Variants in VPS13A observed in about 807,000 individuals in gnomAD.
VPS13A encodes vacuolar protein sorting 13 homolog A, also known as intermembrane lipid transfer protein VPS13A.
VPS13A carries 264 observed loss-of-function variants against 390.9 expected under a neutral mutation model. The ratio of observed to expected loss-of-function variants is 0.68; its 90% CI spans 0.61 to 0.75. VPS13A has a LOEUF of 0.75. Ranked by LOEUF, VPS13A falls within the 30% of genes least tolerant of loss-of-function variation. The probability of loss-of-function intolerance (pLI) is 0.00; values close to 1 mark genes in which losing one functional copy is unlikely to be tolerated. For synonymous variants in VPS13A, 1,231 were observed against 1,227.1 expected, an observed-to-expected ratio of 1.00 and a Z score of -0.07; for missense variants, 3,409 against 3,733.9, an observed-to-expected ratio of 0.91 and a Z score of 2.27.
intron 55 of VPS13A, 35 bp from the exon 56 acceptor site, chr9:77,357,657 A>G (rs778521415): frequency 1.9e-6 from 3 of 1,604,346 alleles, no homozygotes; most frequent in South Asian, 2.2e-5. Flanking sequence ...TTATAGATAA[A>G]TTAATTTTTT....
At chr9:77,400,827 G>GGA (rs555558656) in intron 68 of VPS13A, among the ~76,000 whole-genome samples, 3 of 133,474 alleles carry the variant, frequency 2.2e-5, no homozygotes, top group Non-Finnish European at 3.1e-5. Context: ...GACTCTGTCT[G>GGA]AAAAAAAAAA....
chr9:77,401,106 C>T (rs1373729100), intron 68 of VPS13A, among the ~76,000 whole-genome samples: 1 of 152,058 alleles, frequency 6.6e-6, no homozygotes, highest in Non-Finnish European at 1.5e-5. Flanking sequence ...GTATTCTTTC[C>T]TTTGATATGT....
chr9:77,219,077 G>A (rs1823030774), intron 10 of VPS13A, among the ~76,000 whole-genome samples: 1 of 152,122 alleles, frequency 6.6e-6, no homozygotes, highest in Admixed American at 6.6e-5. Context: ...AAGCAGAGGT[G>A]AAGGGCAGAG....
At chr9:77,259,532 T>TTC (rs772216592) in intron 22 of VPS13A, among the ~76,000 whole-genome samples, 15 of 151,510 alleles carry the variant, frequency 9.9e-5, no homozygotes, top group East Asian at 1.9e-4. Context: ...AGTGAAAACT[T>TTC]TCTCTCTCTC....
At chr9:77,240,632 C>A (rs1212608107) in intron 19 of VPS13A, among the ~76,000 whole-genome samples, 1 of 151,244 alleles carries the variant, frequency 6.6e-6, no homozygotes, top group Non-Finnish European at 1.5e-5. Context: ...GGTATGCCAC[C>A]ACACCCAGCT....
At chr9:77,299,303 G>A (rs1196476054) in intron 33 of VPS13A, among the ~76,000 whole-genome samples, 3 of 152,142 alleles carry the variant, frequency 2.0e-5, no homozygotes, top group Non-Finnish European at 1.5e-5. Context: ...AAGAAAGTCA[G>A]TGGTAGCTTG....
chr9:77,375,170 T>C (rs937433193), intron 67 of VPS13A, among the ~76,000 whole-genome samples: 4 of 152,208 alleles, frequency 2.6e-5, no homozygotes, highest in Non-Finnish European at 4.4e-5. Flanking sequence ...ACCTTCTGTT[T>C]ATCTAAAACC....
At chr9:77,239,385 A>G (rs1168072554) in intron 19 of VPS13A, among the ~76,000 whole-genome samples, 2 of 152,028 alleles carry the variant, frequency 1.3e-5, no homozygotes, top group Non-Finnish European at 2.9e-5. Flanking sequence ...CACCAAAAGT[A>G]ATAATAATAA....
intron 19 of VPS13A, among the ~76,000 whole-genome samples, chr9:77,240,652 A>G (rs1587399061): frequency 6.7e-6 from 1 of 148,578 alleles, no homozygotes; most frequent in South Asian, 2.1e-4. Context: ...TAATTTTTGT[A>G]TTTTTACTAG....
intron 69 of VPS13A, among the ~76,000 whole-genome samples, chr9:77,404,806 T>A (rs1008470181): frequency 6.6e-6 from 1 of 152,186 alleles, no homozygotes. Flanking sequence ...AGCTGCTACA[T>A]TGGCCAGCCT....
intron 68 of VPS13A, among the ~76,000 whole-genome samples, chr9:77,396,440 A>C (rs1187449827): frequency 6.6e-6 from 1 of 152,178 alleles, no homozygotes; most frequent in Non-Finnish European, 1.5e-5. Flanking sequence ...ATTTGACCAT[A>C]TAGTCAGTAA....
At chr9:77,193,248 C>T (rs1824788794) in intron 1 of VPS13A, among the ~76,000 whole-genome samples, 1 of 151,672 alleles carries the variant, frequency 6.6e-6, no homozygotes, top group South Asian at 2.1e-4. Context: ...ACTCATTTTA[C>T]TGGAGTCCTT....
rs62573226 is a variant in VPS13A at position 77,314,806 on chromosome 9, C to T, written c.4412+142C>T. 0.033 allele frequency: 24,854 copies of T among 751,008 alleles called. 532 individuals are homozygous for T. Among genetic ancestry groups the T allele is most frequent in the Non-Finnish European group, 0.042 (18,826 of 450,120 alleles). The allele number at this position is 751,008 out of a possible 1,614,324, so 46.5% of individuals were successfully genotyped here. On this transcript the variant is annotated intron_variant, in intron 37 of 71. Coordinates refer to ENST00000360280, the MANE Select transcript of VPS13A (RefSeq NM_033305.3). The stretch of plus-strand genomic sequence containing the variant: ...TTCAATTCAGTCAGCTCGTAGTACT[C>T]GGTTAACATTTAAAATGTCCTGGTT...
intron 45 of VPS13A, among the ~76,000 whole-genome samples, chr9:77,325,096 A>G (rs1245657055): frequency 6.6e-6 from 1 of 152,202 alleles, no homozygotes; most frequent in Non-Finnish European, 1.5e-5. Context: ...AAATCAGGCA[A>G]GTACTCACAG....
chr9:77,354,892 G>A (rs570995285), intron 54 of VPS13A, among the ~76,000 whole-genome samples: 17 of 152,170 alleles, frequency 1.1e-4, no homozygotes, highest in South Asian at 1.0e-3. Context: ...AGATATATGT[G>A]CTCCTGTTTA....
At chr9:77,254,069 G>A (rs1485106417) in intron 22 of VPS13A, among the ~76,000 whole-genome samples, 1 of 145,328 alleles carries the variant, frequency 6.9e-6, no homozygotes, top group African/African-American at 2.6e-5. Context: ...TCAGCCTCCC[G>A]AGTAGCTGGG....
At chr9:77,257,028 A>G (rs1825488830) in intron 22 of VPS13A, among the ~76,000 whole-genome samples, 1 of 151,808 alleles carries the variant, frequency 6.6e-6, no homozygotes, top group South Asian at 2.1e-4. Flanking sequence ...CTTTTGTCAT[A>G]TTGTTATTTG....
intron 32 of VPS13A, among the ~76,000 whole-genome samples, chr9:77,293,884 T>C (rs1827823254): frequency 6.6e-6 from 1 of 152,168 alleles, no homozygotes; most frequent in African/African-American, 2.4e-5. Context: ...TGTTTTGGTC[T>C]GAAGTCATCA....
In VPS13A at chr9:77,177,719, G is replaced by A. The variant is rs571743153; in HGVS notation, c.15G>A (p.Ser5=). 1.2e-6 allele frequency: 2 copies of A among 1,613,550 alleles called. No homozygotes were observed. The highest frequency in any genetic ancestry group is 1.7e-5 in the Admixed American group (1 of 60,016). The stretch of plus-strand genomic sequence containing the variant: ...GGCTGAGGAACATGGTTTTCGAGTC[G>A]GTGGTCGTGGACGTGTTGAACCGGT... MVFE[S]VVVDVLNRFL... The change falls in exon 1 of 72, where the codon TCG becomes TCA. Residue 5 remains serine, a synonymous_variant. Transcript: ENST00000360280.
Sources: gnomAD v4.1 joint callset for allele counts (sites outside exome capture counted in the v4.1 genomes callset) on GRCh38, gnomAD v4.1.1 for gene constraint, MANE v1.5 for transcripts, NCBI Gene and HGNC (gene_info 2026-07-23, HGNC 2026-07-21) for gene names.